The following DSCAM variants were observed in gnomAD, a reference collection of about 807,000 sequenced individuals.
The protein encoded by DSCAM is DS cell adhesion molecule, also known as cell adhesion molecule DSCAM.
Under a neutral mutation model 217.7 loss-of-function variants are expected in DSCAM, and 47 were observed. The ratio of observed to expected loss-of-function variants is 0.22; its 90% confidence interval spans 0.17 to 0.28. DSCAM has a LOEUF of 0.28. Among genes scored for constraint, DSCAM ranks in the 10% least tolerant of loss-of-function variants. The pLI is 1.00. For synonymous variants in DSCAM, 1,056 were observed against 1,015.3 expected, an observed-to-expected ratio of 1.04 and a Z score of -0.76; for missense variants, 2,080 against 2,618.3, an observed-to-expected ratio of 0.79 and a Z score of 4.49.
chr21:40,268,016 AGCAAACAGGGTCCCTGCTGCTCCACAG>A (rs2073564034), intron 11 of DSCAM, among the ~76,000 whole-genome samples: 1 of 152,208 alleles, frequency 6.6e-6, no homozygotes, highest in Non-Finnish European at 1.5e-5. Flanking sequence ...TATACATTCC[AGCAAACAGGGTCCCTGCTGCTCCACAG>A]ATGTAACCAA....
chr21:40,375,531 G>C (rs1476152644), intron 3 of DSCAM, among the ~76,000 whole-genome samples: 1 of 152,196 alleles, frequency 6.6e-6, no homozygotes, highest in Non-Finnish European at 1.5e-5. Context: ...CAGTTTTTAA[G>C]TCAAATTTCC....
intron 3 of DSCAM, among the ~76,000 whole-genome samples, chr21:40,536,662 T>A (rs974728393): frequency 1.3e-5 from 2 of 152,182 alleles, no homozygotes; most frequent in Non-Finnish European, 2.9e-5. Flanking sequence ...CGCCTTGGCC[T>A]CCCAAAGTGC....
At chr21:40,248,442 C>T (rs1242292420) in intron 11 of DSCAM, among the ~76,000 whole-genome samples, 1 of 152,212 alleles carries the variant, frequency 6.6e-6, no homozygotes, top group East Asian at 1.9e-4. Flanking sequence ...CCATCTTTCT[C>T]AAGTTCAAAG....
intron 3 of DSCAM, among the ~76,000 whole-genome samples, chr21:40,666,007 TCCTGGCTGACA>T (rs1174164673): frequency 5.3e-5 from 8 of 151,946 alleles, no homozygotes; most frequent in Non-Finnish European, 1.2e-4. Flanking sequence ...TAAATGTCTC[TCCTGGCTGACA>T]CCTGCTAGAG....
At chr21:40,287,644 A>G (rs903662329) in intron 10 of DSCAM, among the ~76,000 whole-genome samples, 2 of 152,178 alleles carry the variant, frequency 1.3e-5, no homozygotes, top group African/African-American at 4.8e-5. Flanking sequence ...GAATCTCTCA[A>G]CAAAAGAATC....
chr21:40,580,394 G>A (rs1042588708), intron 3 of DSCAM, among the ~76,000 whole-genome samples: 6 of 151,920 alleles, frequency 3.9e-5, no homozygotes, highest in Admixed American at 2.6e-4. Context: ...TTAGCCAGGC[G>A]TGGTGGCGGG....
At chr21:40,336,293 G>A (rs2074429671) in intron 8 of DSCAM, among the ~76,000 whole-genome samples, 1 of 152,080 alleles carries the variant, frequency 6.6e-6, no homozygotes, top group Non-Finnish European at 1.5e-5. Flanking sequence ...ATTTCTTACA[G>A]ATAAATGAGC....
At chr21:40,585,435 A>AG (rs2076939089) in intron 3 of DSCAM, among the ~76,000 whole-genome samples, 2 of 100,402 alleles carry the variant, frequency 2.0e-5, no homozygotes, top group South Asian at 6.1e-4. Context: ...AAAAAAAAAA[A>AG]AAAAAAAAGA....
At chr21:40,492,575 A>G (rs914703571) in intron 3 of DSCAM, among the ~76,000 whole-genome samples, 11 of 152,130 alleles carry the variant, frequency 7.2e-5, no homozygotes, top group African/African-American at 2.7e-4. Context: ...CTGGAGCTAG[A>G]AAATACAATC....
At chr21:40,248,781 A>C (rs2146956375) in intron 11 of DSCAM, among the ~76,000 whole-genome samples, 1 of 152,292 alleles carries the variant, frequency 6.6e-6, no homozygotes, top group South Asian at 2.1e-4. Context: ...TTACTGTATT[A>C]GTCTGTTTCC....
At chr21:40,376,689 T>C (rs1014827458) in intron 3 of DSCAM, among the ~76,000 whole-genome samples, 1 of 91,318 alleles carries the variant, frequency 1.1e-5, no homozygotes, top group Admixed American at 1.3e-4. Context: ...ATATCATATA[T>C]ATCATATATA....
At chr21:40,572,491 A>T (rs57687439) in intron 3 of DSCAM, among the ~76,000 whole-genome samples, 11,553 of 152,270 alleles carry the variant, frequency 0.076, 537 homozygotes, top group Non-Finnish European at 0.1. Context: ...AATAAGATTC[A>T]AATAAATGAC....
chr21:40,420,835 A>T (rs986362470), intron 3 of DSCAM, among the ~76,000 whole-genome samples: 1 of 152,166 alleles, frequency 6.6e-6, no homozygotes, highest in Non-Finnish European at 1.5e-5. Context: ...AGCTACGATC[A>T]AGGAATGGAA....
In DSCAM at chr21:40,266,777, CATAT is replaced by C. The variant is rs10684678; in HGVS notation, c.2356+9316_2356+9319del. ...TATATCATCTTGAAATTTTCACATG[CATAT>C]ATATATATATATATATATACACACA... On this transcript the variant is annotated intron_variant, in intron 11 of 32. Coordinates refer to ENST00000400454, the MANE Select transcript of DSCAM (RefSeq NM_001389.5). 1.8e-4 allele frequency among the ~76,000 whole-genome samples: 20 copies of C among 109,102 alleles called. 1 individual carries two copies. Among genetic ancestry groups the C allele is most frequent in the South Asian group, 6.9e-4 (2 of 2,916 alleles). 71.6% of individuals were successfully genotyped at this position (109,102 alleles called of 152,430 possible).
intron 1 of DSCAM, among the ~76,000 whole-genome samples, chr21:40,792,137 CT>C (rs67838146): frequency 3.4e-4 from 40 of 118,588 alleles, no homozygotes; most frequent in Admixed American, 5.1e-4. Context: ...TCTTCTTCTT[CT>C]TTTTTTTTTT....
At position 40,717,588 on chromosome 21, in the gene DSCAM, C is replaced by T. The variant is rs529612416; in HGVS notation, c.44-8817G>A. Among the ~76,000 whole-genome samples the T allele has an allele frequency of 1.1e-3, 173 of 152,252 alleles. 1 individual carries two copies. Among genetic ancestry groups the T allele is most frequent in the African/African-American group, 3.9e-3 (160 of 41,552 alleles). ...AGGCCACATACTGTATGACTCCATT[C>T]GTATGAAATGTCCAGAAGAGGGAGA... On this transcript the variant is annotated intron_variant, in intron 1 of 32. Transcript: ENST00000400454.
rs1354626252 is a variant in DSCAM, at chr21:40,234,583, T to G, written c.2356+41514A>C. ...TGACCATTCTAACTCCTGTCTATTG[T>G]AGCCTCAGCATTCTGTTTCCTGCTT... is the stretch of plus-strand genomic sequence containing the variant. On this transcript the variant is annotated intron_variant, in intron 11 of 32. Coordinates refer to ENST00000400454, the MANE Select transcript of DSCAM (RefSeq NM_001389.5). Among the ~76,000 whole-genome samples the G allele has an allele frequency of 2.6e-5, 4 of 152,200 alleles. No individual in the cohort carries two copies. In the East Asian group the frequency reaches 5.8e-4, roughly 22 times the overall value.
chr21:40,843,554 A>T (rs1465185497), intron 1 of DSCAM, among the ~76,000 whole-genome samples: 1 of 152,190 alleles, frequency 6.6e-6, no homozygotes. Context: ...ACCAGGAGAA[A>T]TGGTAATGAA....
chr21:40,679,382 GA>G (rs1328039898), intron 3 of DSCAM, among the ~76,000 whole-genome samples: 3 of 152,202 alleles, frequency 2.0e-5, no homozygotes, highest in Admixed American at 1.3e-4. Context: ...GAAAGTTTAA[GA>G]AAAGGCAAAA....
Sources: allele counts gnomAD v4.1 joint callset (sites outside exome capture counted in the v4.1 genomes callset), GRCh38; gene constraint gnomAD v4.1.1; transcripts MANE v1.5; gene names NCBI Gene and HGNC (gene_info 2026-07-23, HGNC 2026-07-21).